The following MTHFD1 variants were observed in gnomAD, a reference collection of about 807,000 sequenced individuals.
MTHFD1 encodes C-1-tetrahydrofolate synthase, cytoplasmic.
MTHFD1 carries 44 observed loss-of-function variants against 110.3 expected under a neutral mutation model. That is an observed-to-expected ratio of 0.40 (90% CI 0.31 to 0.51). MTHFD1 has a LOEUF of 0.51. Among genes scored for constraint, MTHFD1 ranks in the 20% least tolerant of loss-of-function variants. The pLI is 0.60. For missense variants in MTHFD1, 909 were observed against 1,173.1 expected, an observed-to-expected ratio of 0.77 and a Z score of 3.29; for synonymous variants, 402 against 428.8, an observed-to-expected ratio of 0.94 and a Z score of 0.77.
Position 64,417,219 on chromosome 14 carries a change from T to G in MTHFD1, c.479-669T>G, listed in dbSNP as rs1344296643. Among the ~76,000 whole-genome samples, 3 of 152,176 alleles carry G rather than the reference T, an allele frequency of 2.0e-5. No homozygotes were observed. Among genetic ancestry groups the G allele is most frequent in the African/African-American group, 4.8e-5 (2 of 41,440 alleles). On this transcript the variant is annotated intron_variant, in intron 6 of 27. Transcript: ENST00000652337. The surrounding 1 kb of genome is among the most constrained non-coding windows in gnomAD (Gnocchi z 4.4). Reference sequence around the variant, plus strand: ...TTATCAGCTGAGGGAAGAAATATGGTCCCCTGTCCACTACTGGGTACTCAC... The same window carrying G: ...TTATCAGCTGAGGGAAGAAATATGGGCCCCTGTCCACTACTGGGTACTCAC...
At chr14:64,458,902 T>G (rs1274020727) in intron 27 of MTHFD1, among the ~76,000 whole-genome samples, 1 of 152,162 alleles carries the variant, frequency 6.6e-6, no homozygotes, top group Non-Finnish European at 1.5e-5. Context: ...AAGCAGCAAG[T>G]TGCAGTGTGC....
chr14:64,445,151 G>C, intron 22 of MTHFD1: 1 of 278,688 alleles, frequency 3.6e-6, no homozygotes, highest in South Asian at 3.9e-5. Flanking sequence ...CTCAAATGTC[G>C]GAGTGTGAGG....
At chr14:64,395,739 G>C (rs146788815) in intron 1 of MTHFD1, among the ~76,000 whole-genome samples, 1 of 152,254 alleles carries the variant, frequency 6.6e-6, no homozygotes, top group Non-Finnish European at 1.5e-5. Flanking sequence ...TAGAGGCCAG[G>C]ACTGGTGCCG....
At chr14:64,422,006 T>C (rs894258932) in intron 8 of MTHFD1, among the ~76,000 whole-genome samples, 66 of 152,066 alleles carry the variant, frequency 4.3e-4, no homozygotes, top group African/African-American at 1.5e-3. Flanking sequence ...ATGTGAGAAA[T>C]GGAGAAGAAA....
chr14:64,455,960 T>A (rs975136424), intron 26 of MTHFD1, among the ~76,000 whole-genome samples: 1 of 152,224 alleles, frequency 6.6e-6, no homozygotes, highest in East Asian at 1.9e-4. Context: ...TCTCCAGGAT[T>A]TGTAGAAATC....
chr14:64,429,288 A>G lies in MTHFD1; in HGVS notation c.1265-896A>G, dbSNP rs1443622076. On this transcript the variant is annotated intron_variant, in intron 12 of 27. Transcript: ENST00000652337. ...TATATATCTGATTTACATTTATTGC[A>G]CTGATAATGTGGTAACCTGGACTTT... 1.4e-5 allele frequency among the ~76,000 whole-genome samples: 2 copies of G among 147,104 alleles called. 1 individual carries two copies. Among genetic ancestry groups the G allele is most frequent in the African/African-American group, 5.1e-5 (2 of 39,162 alleles).
chr14:64,430,090 T>G, intron 12 of MTHFD1, 94 bp from the exon 13 acceptor site: 1 of 1,030,956 alleles, frequency 9.7e-7, no homozygotes, highest in Non-Finnish European at 1.5e-6. Flanking sequence ...ATAAATGTGC[T>G]TAGTAGTTAC....
rs368053637 is a variant in MTHFD1 at position 64,449,577 on chromosome 14, A to G, written c.2412A>G (p.Arg804=). 46 of 1,614,196 alleles carry G rather than the reference A, an allele frequency of 2.8e-5. No homozygotes were observed. The African/African-American group carries it at 6.0e-4, about 21-fold the overall frequency. The change falls in exon 24 of 28, where the codon AGA becomes AGG. Residue 804 remains arginine (R), a synonymous_variant. Transcript: ENST00000652337. ...TAGCCCTGGCTCAGGCCGTCCAGAG[A>G]GCAGCACAAGCACCCAGCAGCTTCC... ...GALALAQAVQ[R]AAQAPSSFQL...
In MTHFD1 at chr14:64,408,381, G is replaced by A. The variant is rs571652139; in HGVS notation, c.127-2709G>A. 4.8e-5 allele frequency among the ~76,000 whole-genome samples: 7 copies of A among 146,644 alleles called. No individual in the cohort carries two copies. The East Asian group carries it at 6.2e-4, about 13-fold the overall frequency. ...TTGGCTCACTGCAACTTCTGCCCCC[G>A]GGGTTCAAGGGATTCTCCTGCCTCA... On this transcript the variant is annotated intron_variant, in intron 2 of 27. Transcript: ENST00000652337.
In MTHFD1 at chr14:64,410,619, A is replaced by G. The variant is rs2077976270; in HGVS notation, c.127-471A>G. ...GGGAGGTCCTTCCACCCTCCTTTCTATTGTCTGTGTGGCGGGGCCAGGGAG... is the reference window on the plus strand; with the variant it reads ...GGGAGGTCCTTCCACCCTCCTTTCTGTTGTCTGTGTGGCGGGGCCAGGGAG... On this transcript the variant is annotated intron_variant, in intron 2 of 27. Transcript: ENST00000652337. Among the ~76,000 whole-genome samples the G allele has an allele frequency of 2.6e-5, 4 of 151,676 alleles. No homozygotes were observed. The South Asian group carries it at 8.3e-4, about 32-fold the overall frequency.
chr14:64,400,560 C>A (rs1016462205), intron 1 of MTHFD1, among the ~76,000 whole-genome samples: 18 of 151,964 alleles, frequency 1.2e-4, no homozygotes, highest in African/African-American at 4.1e-4. Flanking sequence ...GTGGCACAGA[C>A]CTGTAAAGTC....
chr14:64,424,988 G>C, intron 9 of MTHFD1, 57 bp downstream of exon 9: 3 of 1,605,720 alleles, frequency 1.9e-6, no homozygotes, highest in Non-Finnish European at 2.6e-6. Flanking sequence ...AGTTTTGGCT[G>C]CTTTTCTCCC....
At chr14:64,419,118 A>C (rs990410452) in intron 7 of MTHFD1, 7 of 154,776 alleles carry the variant, frequency 4.5e-5, no homozygotes, top group Admixed American at 3.2e-4. Context: ...TCACCTTCCT[A>C]AAGTGCTGAG....
At chr14:64,456,781 G>A (rs866571002) in intron 26 of MTHFD1, among the ~76,000 whole-genome samples, 1 of 152,182 alleles carries the variant, frequency 6.6e-6, no homozygotes, top group African/African-American at 2.4e-5. Context: ...ATATTGATTG[G>A]TACTCAGAAG....
rs1462391152 is a variant in MTHFD1, at chr14:64,442,058, C to T, written c.1889C>T (p.Thr630Ile). ...KPNLMQTLEG[T>I]PVFVHAGPFA... ...ACGGTGTCCTGGTTTCCACAGGGCA[C>T]TCCAGTGTTTGTCCATGCTGGCCCG... Residue 630 changes from threonine to isoleucine, a missense_variant, in exon 20 of 28, where the codon ACT becomes ATT. Physicochemically the swap from Thr to Ile is moderately conservative, Grantham distance 89. This residue lies in a region of MTHFD1 where 482 missense variants were observed against 646.0 expected (regional missense o/e 0.75). Coordinates refer to ENST00000652337, the MANE Select transcript of MTHFD1 (RefSeq NM_005956.4). 2.5e-6 allele frequency: 4 copies of T among 1,613,012 alleles called. No individual in the cohort carries two copies. Among genetic ancestry groups the T allele is most frequent in the East Asian group, 2.2e-5 (1 of 44,896 alleles).
In MTHFD1 at chr14:64,431,861, G is replaced by T. The variant is rs759599624; in HGVS notation, c.1494G>T (p.Lys498Asn). ...RFSDIQIRRL[K>N]RLGIEKTDPT... ...CTGACATCCAAATCCGAAGGTTAAA[G>T]GTAAGCTTTTTTTCTTCCACATTTT... Residue 498 changes from lysine to asparagine, a missense_variant and splice_region_variant, in exon 15 of 28, where the codon AAG becomes AAT. Coordinates refer to ENST00000652337, the MANE Select transcript of MTHFD1 (RefSeq NM_005956.4). The T allele has an allele frequency of 6.2e-7, 1 of 1,613,660 alleles. No individual in the cohort carries two copies. The highest frequency in any genetic ancestry group is 2.2e-5 in the East Asian group (1 of 44,884).
At chr14:64,433,868 T>C (rs1253030074) in intron 15 of MTHFD1, among the ~76,000 whole-genome samples, 1 of 151,642 alleles carries the variant, frequency 6.6e-6, no homozygotes, top group Non-Finnish European at 1.5e-5. Context: ...CCATCTCTAC[T>C]AAAAATACAA....
chr14:64,439,127 G>T lies in MTHFD1; in HGVS notation c.1629G>T (p.Lys543Asn). 3 of 1,614,084 alleles carry T rather than the reference G, an allele frequency of 1.9e-6. No individual in the cohort carries two copies. Among genetic ancestry groups the T allele is most frequent in the Non-Finnish European group, 2.5e-6 (3 of 1,179,936 alleles). ...ATACCAATGATAGATTCCTGAGGAA[G>T]ATCACGATTGGACAGGCTCCAACGG... ...VLDTNDRFLRKITIGQAPTEK... is the reference protein window; with the variant it reads ...VLDTNDRFLRNITIGQAPTEK... Residue 543 changes from lysine to asparagine, a missense_variant, in exon 17 of 28, where the codon AAG becomes AAT. Physicochemically the swap from Lys to Asn is moderately conservative, Grantham distance 94 (BLOSUM62 0). This residue lies in a region of MTHFD1 where 482 missense variants were observed against 646.0 expected (regional missense o/e 0.75). Coordinates refer to ENST00000652337, the MANE Select transcript of MTHFD1 (RefSeq NM_005956.4).
At chr14:64,440,017 C>A (rs1227124327) in intron 17 of MTHFD1, 109 bp from the exon 18 acceptor site, 4 of 948,240 alleles carry the variant, frequency 4.2e-6, no homozygotes, top group Non-Finnish European at 6.4e-6. Flanking sequence ...TTATTCTATC[C>A]TTTTAAGCTA....
Sources: allele counts gnomAD v4.1 joint callset (sites outside exome capture counted in the v4.1 genomes callset), GRCh38; gene constraint gnomAD v4.1.1; regional missense constraint gnomAD v4.1.1; non-coding constraint Gnocchi (gnomAD v3.1); transcripts MANE v1.5; gene names NCBI Gene and HGNC (gene_info 2026-07-23, HGNC 2026-07-21).